EFR3A: variants seen among roughly 807,000 people sequenced by gnomAD.
EFR3A encodes protein EFR3 homolog A.
Under a neutral mutation model 104.4 loss-of-function variants are expected in EFR3A, and 76 were observed. That is an observed-to-expected ratio of 0.73 (90% CI 0.60 to 0.88). The LOEUF is 0.88. EFR3A is among the 40% of genes least tolerant of loss of function. EFR3A has a pLI of 0.00. For missense variants in EFR3A, 985 were observed against 1,012.5 expected (o/e 0.97, Z 0.37); for synonymous variants, 330 against 330.0 (o/e 1.00, Z 0.00).
intron 21 of EFR3A, 110 bp from the exon 22 acceptor site, chr8:132,003,126 T>G: frequency 1.2e-6 from 1 of 835,828 alleles, no homozygotes; most frequent in South Asian, 2.1e-5. Flanking sequence ...ACTTAATAAT[T>G]AATCAGCTTA....
chr8:131,904,312 C>A lies in EFR3A; in HGVS notation c.-1C>A, dbSNP rs2130348251. 2 of 1,262,736 alleles carry A rather than the reference C, an allele frequency of 1.6e-6. No individual in the cohort carries two copies. Among genetic ancestry groups the A allele is most frequent in the Non-Finnish European group, 2.0e-6 (2 of 1,003,274 alleles). The allele number at this position is 1,262,736 out of a possible 1,614,324, so 78.2% of individuals were successfully genotyped here. ...CGGCGGCGAGCGCGGTCGAGATCGC[C>A]ATGCCTACCCGTGAGTGGCCGGCCG... On this transcript the variant is annotated 5_prime_UTR_variant, in exon 1 of 23. Coordinates refer to ENST00000254624, the MANE Select transcript of EFR3A (RefSeq NM_015137.6).
In EFR3A at chr8:131,935,490, G is replaced by A. The variant is rs1174150060; in HGVS notation, c.11-5009G>A. The A allele has an allele frequency of 6.7e-6, 3 of 447,890 alleles. No homozygotes were observed. In the Admixed American group the frequency reaches 7.3e-5, roughly 11 times the overall value. 27.7% of individuals were successfully genotyped at this position (447,890 alleles called of 1,614,324 possible). On this transcript the variant is annotated intron_variant, in intron 1 of 22. Coordinates refer to ENST00000254624, the MANE Select transcript of EFR3A (RefSeq NM_015137.6). ...AAGGACCAAAATCCAGTAATCGTAG[G>A]CACTGTCATTTAAAAGTATGAAATC...
intron 1 of EFR3A, among the ~76,000 whole-genome samples, chr8:131,919,041 A>G (rs1341823098): frequency 2.0e-5 from 3 of 151,796 alleles, no homozygotes; most frequent in Non-Finnish European, 2.9e-5. Context: ...TTCCTAAACT[A>G]TGGTGCCTTA....
At chr8:131,942,453 C>T (rs1818210144) in intron 2 of EFR3A, among the ~76,000 whole-genome samples, 1 of 152,026 alleles carries the variant, frequency 6.6e-6, no homozygotes, top group South Asian at 2.1e-4. Flanking sequence ...TAAACAGTTT[C>T]TTAAAATTAG....
At chr8:131,975,159 T>C (rs1476458129) in intron 10 of EFR3A, among the ~76,000 whole-genome samples, 1 of 152,156 alleles carries the variant, frequency 6.6e-6, no homozygotes, top group Non-Finnish European at 1.5e-5. Flanking sequence ...AAGTAAGTTA[T>C]TTACTTATTT....
At chr8:131,943,124 C>T (rs1167250305) in intron 2 of EFR3A, among the ~76,000 whole-genome samples, 1 of 152,036 alleles carries the variant, frequency 6.6e-6, no homozygotes, top group Admixed American at 6.6e-5. Flanking sequence ...CTCACTGGAG[C>T]ATTTTGGATT....
chr8:131,940,768 TTAG>T, intron 2 of EFR3A, 193 bp downstream of exon 2: 1 of 906,266 alleles, frequency 1.1e-6, no homozygotes, highest in Admixed American at 3.4e-5. Flanking sequence ...TCAGATCCTT[TTAG>T]TAGATTAGGC....
Position 131,904,222 on chromosome 8 carries a change from G to A in EFR3A, c.-91G>A. On this transcript the variant is annotated 5_prime_UTR_variant, in exon 1 of 23. Transcript: ENST00000254624. ...CGCCCTTCGCCTCGTTCCGGCCTCC[G>A]CGGCCCAGCAACGGCCGTCATGGTG... 1.6e-6 allele frequency: 2 copies of A among 1,245,258 alleles called. No individual in the cohort carries two copies. The highest frequency in any genetic ancestry group is 4.1e-5 in the Admixed American group (1 of 24,292). 77.1% of individuals were successfully genotyped at this position (1,245,258 alleles called of 1,614,324 possible).
In EFR3A at chr8:132,000,260, C is replaced by G. The variant is rs1821721599; in HGVS notation, c.2158-1499C>G. On this transcript the variant is annotated intron_variant, in intron 19 of 22. Transcript: ENST00000254624. The stretch of plus-strand genomic sequence containing the variant: ...TCTCCTGCCTCAGCCTCCTGAGTAG[C>G]TGGGACTACAGGCGCCTGCCACCAT... Among the ~76,000 whole-genome samples the G allele has an allele frequency of 2.6e-5, 4 of 152,110 alleles. No individual in the cohort carries two copies. In the South Asian group the frequency reaches 8.3e-4, roughly 32 times the overall value.
intron 2 of EFR3A, among the ~76,000 whole-genome samples, chr8:131,944,458 A>G (rs1033809305): frequency 1.1e-4 from 16 of 152,088 alleles, no homozygotes; most frequent in Admixed American, 8.5e-4. Context: ...TCTATATCCC[A>G]TTCCCTATAT....
In EFR3A at chr8:132,013,542, CAT is replaced by C. The variant is rs1191180856; in HGVS notation, c.*2650_*2651del. The stretch of plus-strand genomic sequence containing the variant: ...AAATGTAAAAATTCACTGTGCAATT[CAT>C]ATGTCAGCAATAAAACATAGATTAT... On this transcript the variant is annotated 3_prime_UTR_variant, in exon 23 of 23. Transcript: ENST00000254624. 3 of 152,644 alleles carry C rather than the reference CAT, an allele frequency of 2.0e-5. No homozygotes were observed. Among genetic ancestry groups the C allele is most frequent in the African/African-American group, 4.8e-5 (2 of 41,522 alleles). The allele number at this position is 152,644 out of a possible 1,614,324, so 9.5% of individuals were successfully genotyped here.
rs527499272 is a variant in EFR3A, at chr8:131,914,730, T to G, written c.10+10408T>G. 9.9e-5 allele frequency among the ~76,000 whole-genome samples: 15 copies of G among 152,224 alleles called. No homozygotes were observed. The South Asian group carries it at 1.5e-3, about 15-fold the overall frequency. On this transcript the variant is annotated intron_variant, in intron 1 of 22. Transcript: ENST00000254624. ...TCACAGGGGATTGTTGTAGTACTAT[T>G]GTATTGTTGTAATATTATTGCACCC...
chr8:131,914,481 A>G (rs1017718640), intron 1 of EFR3A, among the ~76,000 whole-genome samples: 66 of 152,274 alleles, frequency 4.3e-4, no homozygotes, highest in Non-Finnish European at 5.7e-4. Context: ...GATGAATACA[A>G]TCAGTGAGGG....
chr8:131,917,139 A>T (rs141095624), intron 1 of EFR3A, among the ~76,000 whole-genome samples: 3 of 152,376 alleles, frequency 2.0e-5, no homozygotes, highest in East Asian at 3.9e-4. Flanking sequence ...TTGTGAAACA[A>T]CAGAATGATT....
At chr8:131,913,696 C>T (rs1275740137) in intron 1 of EFR3A, among the ~76,000 whole-genome samples, 3 of 152,122 alleles carry the variant, frequency 2.0e-5, no homozygotes, top group African/African-American at 4.8e-5. Context: ...CTTCACATCC[C>T]TGTTGTTTAA....
intron 1 of EFR3A, among the ~76,000 whole-genome samples, chr8:131,929,621 T>C (rs1168526291): frequency 6.6e-6 from 1 of 152,140 alleles, no homozygotes; most frequent in Non-Finnish European, 1.5e-5. Flanking sequence ...TGGCCAGGGA[T>C]TGTGGCCTGT....
intron 8 of EFR3A, among the ~76,000 whole-genome samples, chr8:131,964,645 C>G (rs1819592768): frequency 6.6e-6 from 1 of 152,078 alleles, no homozygotes; most frequent in Non-Finnish European, 1.5e-5. Flanking sequence ...TCCATACTGC[C>G]CAAGGTAATT....
At chr8:131,915,099 A>G (rs1816687552) in intron 1 of EFR3A, among the ~76,000 whole-genome samples, 1 of 152,140 alleles carries the variant, frequency 6.6e-6, no homozygotes, top group African/African-American at 2.4e-5. Context: ...TATTGTGAAT[A>G]GTGGAGCAGC....
At chr8:131,931,010 A>G (rs1367610701) in intron 1 of EFR3A, among the ~76,000 whole-genome samples, 1 of 152,154 alleles carries the variant, frequency 6.6e-6, no homozygotes, top group Non-Finnish European at 1.5e-5. Context: ...ATCATTATAC[A>G]AGGGGAGTGG....
Sources: gnomAD v4.1 joint callset for allele counts (sites outside exome capture counted in the v4.1 genomes callset) on GRCh38, gnomAD v4.1.1 for gene constraint, MANE v1.5 for transcripts, NCBI Gene and HGNC (gene_info 2026-07-23, HGNC 2026-07-21) for gene names.